Variants in PDCD2L observed in about 807,000 individuals in gnomAD.
The protein encoded by PDCD2L is programmed cell death 2 like, also known as uS5 assembly chaperone PDCD2L.
In PDCD2L, 44 loss-of-function variants were observed where a neutral mutation model predicts 40.4. That is an observed-to-expected ratio of 1.09 (90% CI 0.86 to 1.40). The LOEUF (loss-of-function observed/expected upper bound fraction) is 1.40, where lower values mean the gene tolerates loss of function less well. PDCD2L is among the 40% of genes most tolerant of loss of function. The pLI is 0.00. For synonymous variants in PDCD2L, 194 were observed against 174.6 expected, an observed-to-expected ratio of 1.11 and a Z score of -0.88; for missense variants, 470 against 453.7, an observed-to-expected ratio of 1.04 and a Z score of -0.33.
chr19:34,405,892 T>G (rs2075072558), intron 3 of PDCD2L, among the ~76,000 whole-genome samples: 1 of 151,116 alleles, frequency 6.6e-6, no homozygotes, highest in African/African-American at 2.4e-5. Context: ...GGTGACAGAC[T>G]CCGTAAAAAC....
chr19:34,411,713 G>A (rs1032143775), intron 4 of PDCD2L, among the ~76,000 whole-genome samples: 17 of 151,772 alleles, frequency 1.1e-4, no homozygotes, highest in Admixed American at 1.1e-3. Context: ...GGAGTACAGC[G>A]GTGTGATAAT....
chr19:34,425,265 G>A (rs2145476243), intron 6 of PDCD2L, among the ~76,000 whole-genome samples: 2 of 146,370 alleles, frequency 1.4e-5, no homozygotes, highest in East Asian at 2.0e-4. Flanking sequence ...ATCCTTTCTC[G>A]GCAGTAGTGT....
chr19:34,404,442 T>C lies in PDCD2L; in HGVS notation c.12T>C (p.Val4=). The C allele has an allele frequency of 6.5e-7, 1 of 1,544,188 alleles. No individual in the cohort carries two copies. The highest frequency in any genetic ancestry group is 2.4e-5 in the East Asian group (1 of 40,834). ...GTCGCCCGGCGGCCATGGCGGCCGTTCTGAAGCCGGTGCTGCTGGGCCTTC... is the reference window on the plus strand; with the variant it reads ...GTCGCCCGGCGGCCATGGCGGCCGTCCTGAAGCCGGTGCTGCTGGGCCTTC... MAA[V]LKPVLLGLRD... is the part of the protein sequence containing the mutation. The change falls in exon 1 of 7, where the codon GTT becomes GTC. Residue 4 remains valine, a synonymous_variant. Coordinates refer to ENST00000246535, the MANE Select transcript of PDCD2L (RefSeq NM_032346.2).
In PDCD2L at chr19:34,404,972, A is replaced by G; in HGVS notation, c.318A>G (p.Arg106=). The change falls in exon 3 of 7, where the codon AGA becomes AGG. Residue 106 remains arginine (R), a synonymous_variant. Coordinates refer to ENST00000246535, the MANE Select transcript of PDCD2L (RefSeq NM_032346.2). The part of the protein sequence containing the change: ...FRSQCLQVPE[R]EAQDAQKQGN... The stretch of plus-strand genomic sequence containing the variant: ...CCCAGTGCCTGCAGGTGCCAGAGAG[A>G]GAGGCGCAGGACGCTCAGGTAAAGG... The G allele has an allele frequency of 1.2e-6, 2 of 1,614,148 alleles. No homozygotes were observed. Among genetic ancestry groups the G allele is most frequent in the Non-Finnish European group, 1.7e-6 (2 of 1,180,028 alleles).
In PDCD2L at chr19:34,404,630, G is replaced by T. The variant is rs776511437; in HGVS notation, c.109-19G>T. The T allele has an allele frequency of 2.5e-6, 4 of 1,606,058 alleles. No homozygotes were observed. In the East Asian group the frequency reaches 6.7e-5, roughly 27 times the overall value. The stretch of plus-strand genomic sequence containing the variant: ...TCCTGGGGGGAGTCGGGGTCTGAGC[G>T]CCTCCTCTGTCCCCTCAGGATGCTC... On this transcript the variant is annotated intron_variant, in intron 1 of 6. Transcript: ENST00000246535.
intron 3 of PDCD2L, among the ~76,000 whole-genome samples, chr19:34,405,609 T>C (rs145232634): frequency 0.015 from 2,219 of 150,652 alleles, 25 homozygotes; most frequent in South Asian, 0.026. Flanking sequence ...AGCTCAGAAG[T>C]TGGAGACCAG....
intron 3 of PDCD2L, among the ~76,000 whole-genome samples, chr19:34,406,022 G>C (rs1198059279): frequency 6.6e-6 from 1 of 152,148 alleles, no homozygotes; most frequent in Non-Finnish European, 1.5e-5. Flanking sequence ...CGCAACTGTA[G>C]TGCCAGCTAC....
At chr19:34,420,031 C>T (rs2075143215) in intron 5 of PDCD2L, among the ~76,000 whole-genome samples, 1 of 152,030 alleles carries the variant, frequency 6.6e-6, no homozygotes, top group Non-Finnish European at 1.5e-5. Context: ...ATCATCCAGG[C>T]TGGAGTGCAG....
chr19:34,404,978 G>T lies in PDCD2L; in HGVS notation c.324G>T (p.Ala108=), dbSNP rs941213455. ...GCCTGCAGGTGCCAGAGAGAGAGGC[G>T]CAGGACGCTCAGGTAAAGGTTGTGA... ...SQCLQVPERE[A]QDAQKQGNSL... Residue 108 remains alanine, a synonymous_variant, in exon 3 of 7, where the codon GCG becomes GCT. Coordinates refer to ENST00000246535, the MANE Select transcript of PDCD2L (RefSeq NM_032346.2). 5.6e-6 allele frequency: 9 copies of T among 1,614,008 alleles called. No homozygotes were observed. The highest frequency in any genetic ancestry group is 5.3e-5 in the African/African-American group (4 of 74,932).
rs779816203 is a variant in PDCD2L at position 34,413,774 on chromosome 19, A to G, written c.724A>G (p.Ile242Val). 11 of 1,606,062 alleles carry G rather than the reference A, an allele frequency of 6.8e-6. 1 individual carries two copies. The highest frequency in any genetic ancestry group is 6.7e-5 in the Admixed American group (4 of 59,564). The change falls in exon 5 of 7, where the codon ATA becomes GTA. Residue 242 changes from isoleucine (I) to valine (V), a missense_variant. Transcript: ENST00000246535. ...TGGTGATGAAAAATATGAGAAGACCATAATTAAAAGTGGAGATCAGACGTT... is the reference window on the plus strand; with the variant it reads ...TGGTGATGAAAAATATGAGAAGACCGTAATTAAAAGTGGAGATCAGACGTT... The part of the protein sequence containing the change: ...NDGDEKYEKT[I>V]IKSGDQTFYK...
chr19:34,405,770 G>A (rs1285203616), intron 3 of PDCD2L, among the ~76,000 whole-genome samples: 1 of 152,076 alleles, frequency 6.6e-6, no homozygotes, highest in African/African-American at 2.4e-5. Context: ...GCCGGGCATG[G>A]TGGCAGACAC....
chr19:34,408,906 T>C (rs1010944786), intron 3 of PDCD2L, among the ~76,000 whole-genome samples: 8 of 152,172 alleles, frequency 5.3e-5, no homozygotes, highest in Admixed American at 3.9e-4. Flanking sequence ...CAGAAAGATA[T>C]TGGAACGGAT....
chr19:34,412,769 T>G (rs1274053755), intron 4 of PDCD2L, among the ~76,000 whole-genome samples: 1 of 124,510 alleles, frequency 8.0e-6, no homozygotes, highest in Non-Finnish European at 1.8e-5. Flanking sequence ...ACTTTGACAG[T>G]TTTTTTTTTT....
chr19:34,407,109 T>C (rs1187716242), intron 3 of PDCD2L, among the ~76,000 whole-genome samples: 3 of 152,100 alleles, frequency 2.0e-5, no homozygotes, highest in African/African-American at 7.2e-5. Flanking sequence ...AGTGCTGGGA[T>C]TACAGGCGTG....
chr19:34,407,234 C>T (rs1002974745), intron 3 of PDCD2L, among the ~76,000 whole-genome samples: 2 of 151,700 alleles, frequency 1.3e-5, no homozygotes, highest in Non-Finnish European at 2.9e-5. Context: ...CTCCGCCTCC[C>T]AGGTTCGAGC....
Position 34,404,648 on chromosome 19 carries a change from G to A in PDCD2L, c.109-1G>A, listed in dbSNP as rs2075063602. ...TCTGAGCGCCTCCTCTGTCCCCTCA[G>A]GATGCTCTGCCCACCGTGGCTGCGC... On this transcript the variant is annotated splice_acceptor_variant, in intron 1 of 6. Coordinates refer to ENST00000246535, the MANE Select transcript of PDCD2L (RefSeq NM_032346.2). LOFTEE classifies it high-confidence loss of function. 3.7e-6 allele frequency: 6 copies of A among 1,610,212 alleles called. No homozygotes were observed. The highest frequency in any genetic ancestry group is 5.1e-6 in the Non-Finnish European group (6 of 1,179,478).
At chr19:34,414,127 C>T (rs567545300) in intron 5 of PDCD2L, among the ~76,000 whole-genome samples, 1 of 152,042 alleles carries the variant, frequency 6.6e-6, no homozygotes, top group Non-Finnish European at 1.5e-5. Flanking sequence ...TAGCAAGAAA[C>T]GGCACAGATG....
chr19:34,422,510 A>G (rs897576480), intron 6 of PDCD2L, among the ~76,000 whole-genome samples: 4 of 152,038 alleles, frequency 2.6e-5, no homozygotes, highest in African/African-American at 4.8e-5. Flanking sequence ...AACTATTATC[A>G]ATGTTAATAA....
chr19:34,421,375 C>T, intron 5 of PDCD2L, 144 bp from the exon 6 acceptor site: 2 of 853,250 alleles, frequency 2.3e-6, no homozygotes, highest in Non-Finnish European at 3.7e-6. Flanking sequence ...AGATATCTTG[C>T]TATGCTTTAC....
Sources: allele counts gnomAD v4.1 joint callset (sites outside exome capture counted in the v4.1 genomes callset), GRCh38; gene constraint gnomAD v4.1.1; transcripts MANE v1.5; gene names NCBI Gene and HGNC (gene_info 2026-07-23, HGNC 2026-07-21).